Variants in ANKFN1 observed in about 807,000 individuals in gnomAD.
ANKFN1 encodes the protein ankyrin repeat and fibronectin type III domain containing 1.
ANKFN1 carries 74 observed loss-of-function variants against 108.7 expected under a neutral mutation model. That is an observed-to-expected ratio of 0.68 (90% confidence interval 0.56 to 0.83). The LOEUF (loss-of-function observed/expected upper bound fraction) is 0.83. Among genes scored for constraint, ANKFN1 ranks in the 40% least tolerant of loss-of-function variants. ANKFN1 has a pLI of 0.00. For missense variants in ANKFN1, 1,505 were observed against 1,382.3 expected (o/e 1.09, Z -1.41); for synonymous variants, 547 against 516.2 (o/e 1.06, Z -0.81).
chr17:56,324,315 A>G (rs1417846758), intron 3 of ANKFN1, among the ~76,000 whole-genome samples: 1 of 152,234 alleles, frequency 6.6e-6, no homozygotes, highest in Non-Finnish European at 1.5e-5. Context: ...AATACTTACT[A>G]AATGTCTATT....
At chr17:56,223,593 G>A (rs1444721119) in intron 2 of ANKFN1, among the ~76,000 whole-genome samples, 1 of 152,110 alleles carries the variant, frequency 6.6e-6, no homozygotes, top group East Asian at 1.9e-4. Context: ...AGTAAAATAC[G>A]AGTGAGGCCA....
At chr17:56,468,145 T>C (rs572698472) in intron 15 of ANKFN1, among the ~76,000 whole-genome samples, 73 of 152,316 alleles carry the variant, frequency 4.8e-4, no homozygotes, top group Non-Finnish European at 8.8e-4. Context: ...GATCTTCTGA[T>C]TGCAAATCAG....
At chr17:56,479,581 T>C (rs1417108709) in intron 16 of ANKFN1, among the ~76,000 whole-genome samples, 1 of 152,194 alleles carries the variant, frequency 6.6e-6, no homozygotes, top group Middle Eastern at 3.2e-3. Flanking sequence ...AAAACAGATA[T>C]CTTGAAAACA....
At chr17:56,417,075 G>A (rs1223330119) in intron 8 of ANKFN1, among the ~76,000 whole-genome samples, 6 of 152,102 alleles carry the variant, frequency 3.9e-5, no homozygotes, top group East Asian at 1.9e-4. Context: ...GTAGTGGGAG[G>A]TTGGGGGGAA....
At chr17:56,181,710 CAT>C (rs1386384223) in intron 1 of ANKFN1, among the ~76,000 whole-genome samples, 3 of 152,306 alleles carry the variant, frequency 2.0e-5, no homozygotes, top group South Asian at 2.1e-4. Context: ...CATATACACA[CAT>C]ATGTCATATA....
chr17:56,487,958 G>T (rs1176981737), intron 18 of ANKFN1, among the ~76,000 whole-genome samples: 1 of 152,184 alleles, frequency 6.6e-6, no homozygotes, highest in Non-Finnish European at 1.5e-5. Flanking sequence ...GATGCTTAAG[G>T]CATCTGAGGA....
At chr17:56,503,119 G>A (rs1268933115) in intron 20 of ANKFN1, among the ~76,000 whole-genome samples, 1 of 121,402 alleles carries the variant, frequency 8.2e-6, no homozygotes. Flanking sequence ...GGATATAGTG[G>A]TCACAGGCAG....
At chr17:56,140,907 G>A (rs1195696657) in intron 4 of ANKFN1, among the ~76,000 whole-genome samples, 2 of 152,126 alleles carry the variant, frequency 1.3e-5, no homozygotes, top group East Asian at 3.9e-4. Context: ...ACATCTGTTA[G>A]CCACACATGG....
chr17:56,281,651 C>G (rs1363115364), intron 3 of ANKFN1, among the ~76,000 whole-genome samples: 1 of 152,106 alleles, frequency 6.6e-6, no homozygotes, highest in East Asian at 1.9e-4. Flanking sequence ...AACTCAACAA[C>G]AAAAAGACAA....
intron 4 of ANKFN1, among the ~76,000 whole-genome samples, chr17:56,123,817 G>A (rs2143308600): frequency 6.7e-6 from 1 of 148,490 alleles, no homozygotes; most frequent in East Asian, 2.0e-4. Flanking sequence ...GTGTGTGTGT[G>A]TGTGTGTGAC....
intron 4 of ANKFN1, among the ~76,000 whole-genome samples, chr17:56,067,929 AT>A (rs1410501575): frequency 6.6e-6 from 1 of 152,116 alleles, no homozygotes; most frequent in Non-Finnish European, 1.5e-5. Flanking sequence ...TGTCTTTGGA[AT>A]TTCTCGTCAC....
At chr17:56,079,491 A>G (rs574154475) in intron 4 of ANKFN1, among the ~76,000 whole-genome samples, 2 of 152,306 alleles carry the variant, frequency 1.3e-5, no homozygotes, top group African/African-American at 4.8e-5. Context: ...TGCCCCATTC[A>G]TCCTCACAAG....
At chr17:56,113,332 TG>T (rs1357325886) in intron 4 of ANKFN1, among the ~76,000 whole-genome samples, 1 of 152,050 alleles carries the variant, frequency 6.6e-6, no homozygotes, top group East Asian at 1.9e-4. Flanking sequence ...ACCCAAAAAA[TG>T]AAAGAAAATG....
chr17:56,088,057 A>G (rs1402091640), intron 4 of ANKFN1, among the ~76,000 whole-genome samples: 1 of 151,334 alleles, frequency 6.6e-6, no homozygotes, highest in African/African-American at 2.4e-5. Flanking sequence ...TCCAGTAGCC[A>G]TCTTCACCTA....
rs368152107 is a variant in ANKFN1, at chr17:56,350,860, C to A, written c.283C>A (p.Arg95Ser). ...TCCCTCATCTCCCAACGCAGCCAAACGCCTGTACAGGAACCTCTCTGAGAA... is the reference window on the plus strand; with the variant it reads ...TCCCTCATCTCCCAACGCAGCCAAAAGCCTGTACAGGAACCTCTCTGAGAA... ...SAPSSPNAAK[R>S]LYRNLSEKLK... is the part of the protein sequence containing the mutation. Residue 95 changes from arginine to serine, a missense_variant, in exon 5 of 21, where the codon CGC becomes AGC. Coordinates refer to ENST00000682825, the MANE Select transcript of ANKFN1 (RefSeq NM_001370326.1). 113 of 1,613,712 alleles carry A rather than the reference C, an allele frequency of 7.0e-5. No homozygotes were observed. The highest frequency in any genetic ancestry group is 9.5e-5 in the Non-Finnish European group (112 of 1,179,890).
At chr17:56,201,380 G>T (rs1013008500) in intron 1 of ANKFN1, among the ~76,000 whole-genome samples, 1 of 152,154 alleles carries the variant, frequency 6.6e-6, no homozygotes, top group Non-Finnish European at 1.5e-5. Context: ...TAAGTAGACT[G>T]CCTTATTGTA....
intron 1 of ANKFN1, among the ~76,000 whole-genome samples, chr17:56,180,782 C>T (rs138556858): frequency 2.8e-4 from 42 of 152,262 alleles, no homozygotes; most frequent in African/African-American, 9.6e-4. Flanking sequence ...GATTTTAGTA[C>T]TCAGAATGAC....
chr17:56,050,606 C>T (rs1439546479), intron 4 of ANKFN1, among the ~76,000 whole-genome samples: 9 of 150,846 alleles, frequency 6.0e-5, no homozygotes, highest in Non-Finnish European at 8.9e-5. Context: ...CAGCTTCCTA[C>T]GTATGGCTAG....
intron 19 of ANKFN1, among the ~76,000 whole-genome samples, chr17:56,492,928 C>T (rs1439772074): frequency 6.6e-6 from 1 of 152,124 alleles, no homozygotes; most frequent in Non-Finnish European, 1.5e-5. Context: ...GGGGTACTGA[C>T]TAGTAATCAA....
Sources: allele counts gnomAD v4.1 joint callset (sites outside exome capture counted in the v4.1 genomes callset), GRCh38; gene constraint gnomAD v4.1.1; transcripts MANE v1.5; gene names NCBI Gene and HGNC (gene_info 2026-07-23, HGNC 2026-07-21).